The following TRANK1 variants were observed in gnomAD, a reference collection of about 807,000 sequenced individuals.
The protein encoded by TRANK1 is TPR and ankyrin repeat-containing protein 1.
In TRANK1, 198 loss-of-function variants were observed where a neutral mutation model predicts 266.0. The observed-to-expected ratio is 0.74, with a 90% CI of 0.66 to 0.84. The LOEUF is 0.84. TRANK1 is among the 40% of genes least tolerant of loss of function. The pLI, the probability that TRANK1 is intolerant of heterozygous loss-of-function variation, is 0.00. For missense variants in TRANK1, 3,326 were observed against 3,634.6 expected, an observed-to-expected ratio of 0.92 and a Z score of 2.18; for synonymous variants, 1,396 against 1,384.1, an observed-to-expected ratio of 1.01 and a Z score of -0.19.
intron 1 of TRANK1, among the ~76,000 whole-genome samples, chr3:36,926,006 T>C (rs1473803005): frequency 6.6e-6 from 1 of 152,196 alleles, no homozygotes; most frequent in Non-Finnish European, 1.5e-5. Context: ...ATAAGGGAAG[T>C]AGTATACAAT....
intron 7 of TRANK1, 55 bp from the exon 8 acceptor site, chr3:36,890,015 A>C: frequency 6.6e-7 from 1 of 1,525,572 alleles, no homozygotes; most frequent in East Asian, 2.4e-5. Context: ...AAGTCAGCAA[A>C]GTTAATTTGT....
rs367829520 is a variant in TRANK1 at position 36,855,303 on chromosome 3, G to C, written c.4419C>G (p.Gly1473=). The C allele has an allele frequency of 1.1e-4, 177 of 1,614,022 alleles. 1 individual carries two copies. The African/African-American group carries it at 2.1e-3, about 19-fold the overall frequency. ...GCAGATCGCTGAAGCGGAAGGCCAC[G>C]CCCTTCATGATGCTCTGGGCCGTGT... ...TGDTAQSIMK[G]VAFRFSDLRS... Residue 1473 remains glycine (G), a synonymous_variant, in exon 13 of 24, where the codon GGC becomes GGG. Transcript: ENST00000645898.
intron 8 of TRANK1, among the ~76,000 whole-genome samples, chr3:36,887,501 C>T (rs1297173464): frequency 6.6e-6 from 1 of 152,234 alleles, no homozygotes; most frequent in Non-Finnish European, 1.5e-5. Flanking sequence ...CATGACATCA[C>T]ATTGGTACCA....
At chr3:36,835,028 A>T (rs547660222) in intron 20 of TRANK1, 121 bp from the exon 21 acceptor site, 2 of 1,123,150 alleles carry the variant, frequency 1.8e-6, no homozygotes, top group Non-Finnish European at 2.4e-6. Context: ...GAATCCAGTT[A>T]AAAACCCTAG....
intron 15 of TRANK1, 132 bp from the exon 16 acceptor site, chr3:36,847,478 A>G (rs2078931528): frequency 1.1e-6 from 1 of 889,876 alleles, no homozygotes; most frequent in Non-Finnish European, 1.7e-6. Flanking sequence ...AGAAAGATCC[A>G]TCCTGTGATC....
intron 1 of TRANK1, among the ~76,000 whole-genome samples, chr3:36,908,876 C>T (rs1240627658): frequency 6.6e-6 from 1 of 152,190 alleles, no homozygotes; most frequent in African/African-American, 2.4e-5. Context: ...AAGTCACTTG[C>T]CTAAAAATCT....
At chr3:36,828,514 T>C (rs1363988684) in intron 23 of TRANK1, 139 bp from the exon 24 acceptor site, 3 of 641,774 alleles carry the variant, frequency 4.7e-6, no homozygotes, top group African/African-American at 1.8e-5. Flanking sequence ...TGATTTTTTT[T>C]CCCAATCCAC....
intron 1 of TRANK1, among the ~76,000 whole-genome samples, chr3:36,914,352 C>A (rs1452707392): frequency 1.3e-5 from 2 of 151,428 alleles, no homozygotes; most frequent in Non-Finnish European, 2.9e-5. Flanking sequence ...CCAGGCTGGT[C>A]TTGAACTCCT....
intron 8 of TRANK1, among the ~76,000 whole-genome samples, chr3:36,881,032 C>A (rs540063414): frequency 1.1e-4 from 17 of 151,824 alleles, no homozygotes; most frequent in African/African-American, 4.1e-4. Context: ...ACCCTGTGCA[C>A]CTTAAATTCA....
chr3:36,847,183 A>C lies in TRANK1; in HGVS notation c.5034+17T>G. On this transcript the variant is annotated intron_variant, in intron 16 of 23. Transcript: ENST00000645898. ...TTCCATGTCAAGTACATGTGTTGAC[A>C]AATGGCAGAAATTCACCTTGTACAT... 1 of 1,608,970 alleles carries C rather than the reference A, an allele frequency of 6.2e-7. No individual in the cohort carries two copies. Among genetic ancestry groups the C allele is most frequent in the Non-Finnish European group, 8.5e-7 (1 of 1,176,682 alleles).
At chr3:36,914,674 G>C (rs1470076448) in intron 1 of TRANK1, among the ~76,000 whole-genome samples, 1 of 149,846 alleles carries the variant, frequency 6.7e-6, no homozygotes, top group East Asian at 1.9e-4. Flanking sequence ...TTTCACTCTT[G>C]TCACCCAGGC....
At chr3:36,932,701 A>ATG (rs918406049) in intron 1 of TRANK1, among the ~76,000 whole-genome samples, 3 of 152,176 alleles carry the variant, frequency 2.0e-5, no homozygotes, top group Non-Finnish European at 4.4e-5. Flanking sequence ...TTAAGGATGT[A>ATG]TGTGTGTGTG....
intron 12 of TRANK1, 78 bp from the exon 13 acceptor site, chr3:36,858,127 A>G (rs986764121): frequency 4.0e-6 from 5 of 1,239,580 alleles, no homozygotes; most frequent in Non-Finnish European, 2.2e-6. Flanking sequence ...TTTGAGAGTG[A>G]TGCCAGCCAG....
At chr3:36,923,399 GC>G (rs1199748630) in intron 1 of TRANK1, among the ~76,000 whole-genome samples, 1 of 152,068 alleles carries the variant, frequency 6.6e-6, no homozygotes, top group Non-Finnish European at 1.5e-5. Context: ...GGGATTACAG[GC>G]GTGCGCCACC....
chr3:36,864,289 A>T (rs866186883), intron 10 of TRANK1, 30 bp downstream of exon 10: 1 of 1,471,432 alleles, frequency 6.8e-7, no homozygotes, highest in Non-Finnish European at 8.9e-7. Context: ...AATCATTTTT[A>T]ACATCATTGA....
At chr3:36,891,661 C>T (rs963404509) in intron 7 of TRANK1, among the ~76,000 whole-genome samples, 15 of 152,220 alleles carry the variant, frequency 9.9e-5, no homozygotes, top group African/African-American at 3.6e-4. Context: ...AAGTTAAAGC[C>T]TATAACCAGA....
intron 8 of TRANK1, chr3:36,880,416 T>A (rs1188575659): frequency 9.8e-6 from 3 of 306,102 alleles, no homozygotes; most frequent in South Asian, 3.4e-5. Context: ...TTCCTTTGAT[T>A]TGCTCTCATC....
In TRANK1 at chr3:36,855,257, T is replaced by C. The variant is rs1481910690; in HGVS notation, c.4465A>G (p.Ser1489Gly). Reference sequence around the variant, plus strand: ...CACTGCTTGTCTATGGTGTTTCTGCTGGCATAATGGAACAGAGAGCGCAGA... The same window carrying C: ...CACTGCTTGTCTATGGTGTTTCTGCCGGCATAATGGAACAGAGAGCGCAGA... ...SDLRSLFHYA[S>G]RNTIDKQCAV... Residue 1489 changes from serine to glycine, a missense_variant, in exon 13 of 24, where the codon AGC becomes GGC. Ser to Gly is a moderately conservative substitution (Grantham distance 56). Transcript: ENST00000645898. The C allele has an allele frequency of 6.2e-7, 1 of 1,614,044 alleles. No individual in the cohort carries two copies. Among genetic ancestry groups the C allele is most frequent in the East Asian group, 2.2e-5 (1 of 44,886 alleles).
At chr3:36,850,654 A>T (rs2078973301) in intron 15 of TRANK1, 17 of 831,990 alleles carry the variant, frequency 2.0e-5, no homozygotes, top group Non-Finnish European at 2.5e-5. Context: ...ATAAAAATAC[A>T]TATAACCTCA....
Sources: gnomAD v4.1 joint callset for allele counts (sites outside exome capture counted in the v4.1 genomes callset) on GRCh38, gnomAD v4.1.1 for gene constraint, MANE v1.5 for transcripts, NCBI Gene and HGNC (gene_info 2026-07-23, HGNC 2026-07-21) for gene names.